TTLL5: variants seen among roughly 807,000 people sequenced by gnomAD.
The protein encoded by TTLL5 is tubulin tyrosine ligase like 5.
Under a neutral mutation model 168.4 loss-of-function variants are expected in TTLL5, and 132 were observed. The observed-to-expected ratio is 0.78, with a 90% confidence interval of 0.68 to 0.91. The LOEUF (loss-of-function observed/expected upper bound fraction) is 0.91, where lower values mean the gene tolerates loss of function less well. TTLL5 is among the 40% of genes least tolerant of loss of function. The pLI is 0.00. For synonymous variants in TTLL5, 546 were observed against 558.6 expected, an observed-to-expected ratio of 0.98 and a Z score of 0.32; for missense variants, 1,545 against 1,581.5, an observed-to-expected ratio of 0.98 and a Z score of 0.39.
intron 31 of TTLL5, chr14:75,903,949 A>T: frequency 3.2e-6 from 1 of 314,932 alleles, no homozygotes; most frequent in Non-Finnish European, 4.6e-6. Flanking sequence ...GGGGATAATT[A>T]TATGTATCTC....
intron 29 of TTLL5, among the ~76,000 whole-genome samples, chr14:75,873,217 G>A (rs891457616): frequency 2.0e-5 from 3 of 151,862 alleles, no homozygotes; most frequent in East Asian, 2.0e-4. Flanking sequence ...GGGACTACAG[G>A]TGCCCACCAC....
At chr14:75,812,008 A>G (rs147520292) in intron 27 of TTLL5, among the ~76,000 whole-genome samples, 1,894 of 152,240 alleles carry the variant, frequency 0.012, 15 homozygotes, top group South Asian at 0.026. Context: ...CTATAATTTA[A>G]ACACCTGTCT....
intron 29 of TTLL5, among the ~76,000 whole-genome samples, chr14:75,871,443 G>A (rs996701139): frequency 1.3e-5 from 2 of 151,782 alleles, no homozygotes; most frequent in Admixed American, 6.6e-5. Context: ...CCACTCTACC[G>A]TCCTCCCCCA....
chr14:75,745,460 G>C (rs777075836), intron 16 of TTLL5, 30 bp from the exon 17 acceptor site: 1 of 1,607,230 alleles, frequency 6.2e-7, no homozygotes, highest in Non-Finnish European at 8.5e-7. Context: ...TTTCAAAATA[G>C]GTACTCATTT....
chr14:75,902,985 C>G (rs1321178945), intron 31 of TTLL5, among the ~76,000 whole-genome samples: 1 of 152,166 alleles, frequency 6.6e-6, no homozygotes, highest in Admixed American at 6.5e-5. Flanking sequence ...GGTATTATTG[C>G]ATGCCTGAGA....
intron 2 of TTLL5, among the ~76,000 whole-genome samples, chr14:75,667,757 T>TG (rs1883385097): frequency 1.4e-5 from 2 of 141,796 alleles, no homozygotes; most frequent in Non-Finnish European, 1.5e-5. Flanking sequence ...TTATGTTTTT[T>TG]TTTTTTTTTT....
intron 31 of TTLL5, among the ~76,000 whole-genome samples, chr14:75,922,119 TAAG>T (rs1385953743): frequency 6.6e-6 from 1 of 152,180 alleles, no homozygotes; most frequent in Non-Finnish European, 1.5e-5. Flanking sequence ...CTTATCAGCT[TAAG>T]GAGATTTTGG....
At chr14:75,806,799 T>C (rs914258107) in intron 27 of TTLL5, among the ~76,000 whole-genome samples, 18 of 152,316 alleles carry the variant, frequency 1.2e-4, no homozygotes, top group African/African-American at 4.1e-4. Context: ...AGGTAATTCA[T>C]TGAGAATTGG....
At chr14:75,757,978 AATAG>A in intron 18 of TTLL5, 1 of 1,129,556 alleles carries the variant, frequency 8.9e-7, no homozygotes, top group Non-Finnish European at 1.2e-6. Context: ...GTTCAGCTTG[AATAG>A]TAACATAAAA....
At position 75,886,630 on chromosome 14, in the gene TTLL5, T is replaced by A. The variant is rs1032322873; in HGVS notation, c.3740+3728T>A. The A allele has an allele frequency of 4.5e-6, 7 of 1,548,646 alleles. No homozygotes were observed. The African/African-American group carries it at 5.5e-5, about 12-fold the overall frequency. ...GGGAATGATTTAAAATTTTTTTTTT[T>A]ACCATTTTCCTGGTGCCAATAATCT... On this transcript the variant is annotated intron_variant, in intron 30 of 31. Coordinates refer to ENST00000298832, the MANE Select transcript of TTLL5 (RefSeq NM_015072.5).
At chr14:75,744,938 A>G (rs1324327964) in intron 15 of TTLL5, among the ~76,000 whole-genome samples, 157 bp from the exon 16 acceptor site, 1 of 152,104 alleles carries the variant, frequency 6.6e-6, no homozygotes, top group African/African-American at 2.4e-5. Context: ...TCTGTTTTCC[A>G]GGGTTCCAGG....
intron 19 of TTLL5, 23 bp from the exon 20 acceptor site, chr14:75,766,039 C>T: frequency 1.3e-6 from 2 of 1,585,488 alleles, no homozygotes; most frequent in Middle Eastern, 3.5e-4. Flanking sequence ...TTTTCAGCAA[C>T]ATTAGTGATT....
In TTLL5 at chr14:75,720,674, C is replaced by T. The variant is rs142999332; in HGVS notation, c.1013C>T (p.Thr338Ile). The change falls in exon 12 of 32, where the codon ACC becomes ATC. Residue 338 changes from threonine (T) to isoleucine (I), a missense_variant. Physicochemically the swap from Thr to Ile is moderately conservative, Grantham distance 89. Transcript: ENST00000298832. ...CTAGCTATTGCTACTGCCTGTAAAA[C>T]CTTTGTTCCTCATCGCAGCAGTTGT... ...AELAIATACK[T>I]FVPHRSSCFE... 1.9e-5 allele frequency: 30 copies of T among 1,613,644 alleles called. No individual in the cohort carries two copies. The highest frequency in any genetic ancestry group is 2.5e-5 in the Non-Finnish European group (29 of 1,179,624).
At chr14:75,832,622 TTGTAAAC>T (rs1344284150) in intron 28 of TTLL5, among the ~76,000 whole-genome samples, 3 of 152,198 alleles carry the variant, frequency 2.0e-5, no homozygotes, top group African/African-American at 7.2e-5. Flanking sequence ...TGAACGTGCT[TTGTAAAC>T]TGTAAAGTAT....
intron 5 of TTLL5, chr14:75,689,489 C>G (rs1032451339): frequency 1.3e-5 from 2 of 152,174 alleles, no homozygotes; most frequent in Admixed American, 6.5e-5. Context: ...TAAAAACTTA[C>G]GTTTACAGTA....
chr14:75,866,657 A>G (rs1407672369), intron 29 of TTLL5, among the ~76,000 whole-genome samples: 2 of 152,230 alleles, frequency 1.3e-5, no homozygotes. Flanking sequence ...GCCTCCAGTC[A>G]GAACACTTAG....
At chr14:75,790,482 T>G (rs1892632785) in intron 26 of TTLL5, among the ~76,000 whole-genome samples, 1 of 151,748 alleles carries the variant, frequency 6.6e-6, no homozygotes, top group Non-Finnish European at 1.5e-5. Flanking sequence ...CTTTTTTTTT[T>G]TTAATTTGAG....
chr14:75,921,307 A>G (rs1460352820), intron 31 of TTLL5, among the ~76,000 whole-genome samples: 4 of 152,166 alleles, frequency 2.6e-5, no homozygotes, highest in African/African-American at 7.2e-5. Context: ...GCTCATGCCT[A>G]TGTCCTGAAT....
intron 28 of TTLL5, among the ~76,000 whole-genome samples, chr14:75,852,756 C>T (rs1345988097): frequency 6.6e-6 from 1 of 152,182 alleles, no homozygotes; most frequent in Non-Finnish European, 1.5e-5. Context: ...AAGCACTTGT[C>T]ACCATGAGTG....
Sources: allele counts gnomAD v4.1 joint callset (sites outside exome capture counted in the v4.1 genomes callset), GRCh38; gene constraint gnomAD v4.1.1; transcripts MANE v1.5; gene names NCBI Gene and HGNC (gene_info 2026-07-23, HGNC 2026-07-21).